The following SCNN1B variants were observed in gnomAD, a reference collection of about 807,000 sequenced individuals.
The protein encoded by SCNN1B is sodium channel epithelial 1 subunit beta.
In SCNN1B, 46 loss-of-function variants were observed where a neutral mutation model predicts 65.3. The ratio of observed to expected loss-of-function variants is 0.70; its 90% CI spans 0.56 to 0.90. SCNN1B has a LOEUF of 0.90. Among genes scored for constraint, SCNN1B ranks in the 40% least tolerant of loss-of-function variants. The pLI is 0.00. For synonymous variants in SCNN1B, 349 were observed against 330.6 expected, an observed-to-expected ratio of 1.06 and a Z score of -0.60; for missense variants, 751 against 830.5, an observed-to-expected ratio of 0.90 and a Z score of 1.18.
rs758735806 is a variant in SCNN1B, at chr16:23,352,861, G to T, written c.372G>T (p.Glu124Asp). Residue 124 changes from glutamate to aspartate, a missense_variant, in exon 3 of 13, where the codon GAG becomes GAT. By Grantham distance (45) the Glu-to-Asp change is conservative (BLOSUM62 2). Coordinates refer to ENST00000343070, the MANE Select transcript of SCNN1B (RefSeq NM_000336.3). ...ATGAGCTGATGGAAGCTGTCCTGGA[G>T]AGAATCCTGGCTCCTGAGCTAAGCC... ...DLDELMEAVLERILAPELSHA... is the reference protein window; with the variant it reads ...DLDELMEAVLDRILAPELSHA... 6.2e-7 allele frequency: 1 copy of T among 1,614,148 alleles called. No individual in the cohort carries two copies. Among genetic ancestry groups the T allele is most frequent in the African/African-American group, 1.3e-5 (1 of 75,006 alleles).
At chr16:23,307,366 C>T (rs943724876) in intron 1 of SCNN1B, among the ~76,000 whole-genome samples, 1 of 141,840 alleles carries the variant, frequency 7.1e-6, no homozygotes, top group Non-Finnish European at 1.5e-5. Flanking sequence ...GTCACCCAGG[C>T]TGGAGTGCAA....
At chr16:23,370,624 G>A (rs375042836) in intron 5 of SCNN1B, among the ~76,000 whole-genome samples, 10 of 152,324 alleles carry the variant, frequency 6.6e-5, no homozygotes, top group African/African-American at 2.4e-4. Flanking sequence ...GTACTCAGAA[G>A]GAAAGTTCCG....
At chr16:23,342,545 C>A (rs1410560819) in intron 1 of SCNN1B, among the ~76,000 whole-genome samples, 2 of 152,216 alleles carry the variant, frequency 1.3e-5, no homozygotes, top group African/African-American at 4.8e-5. Flanking sequence ...CTGTGCCCAG[C>A]CTGCAATTCT....
intron 3 of SCNN1B, 51 bp downstream of exon 3, chr16:23,353,125 T>G (rs1567308075): frequency 8.9e-6 from 14 of 1,576,986 alleles, no homozygotes; most frequent in Non-Finnish European, 1.2e-5. Flanking sequence ...CCAGTGAGGC[T>G]GATGGGTGTT....
chr16:23,355,003 G>A (rs1219356494), intron 3 of SCNN1B, among the ~76,000 whole-genome samples: 1 of 152,148 alleles, frequency 6.6e-6, no homozygotes, highest in Non-Finnish European at 1.5e-5. Flanking sequence ...ACTGGCTGTG[G>A]GTCACTTCCA....
At chr16:23,304,792 C>A (rs151295144) in intron 1 of SCNN1B, among the ~76,000 whole-genome samples, 67 of 152,280 alleles carry the variant, frequency 4.4e-4, no homozygotes, top group African/African-American at 1.6e-3. Context: ...AGCTTCACCC[C>A]TTCCTAGTTC....
chr16:23,359,134 G>A (rs1962481403), intron 4 of SCNN1B: 1 of 152,082 alleles, frequency 6.6e-6, no homozygotes. Flanking sequence ...TGCCCAGGCT[G>A]GTCTCAAACT....
At chr16:23,365,447 AAG>A (rs1962630207) in intron 4 of SCNN1B, among the ~76,000 whole-genome samples, 1 of 147,958 alleles carries the variant, frequency 6.8e-6, no homozygotes, top group Non-Finnish European at 1.5e-5. Flanking sequence ...GAAAGAAAGA[AAG>A]AGAAGGAGAA....
chr16:23,319,338 G>C (rs1340130012), intron 1 of SCNN1B, among the ~76,000 whole-genome samples: 1 of 152,162 alleles, frequency 6.6e-6, no homozygotes, highest in Non-Finnish European at 1.5e-5. Flanking sequence ...GAGCCACTGC[G>C]CCCAGCCCAA....
chr16:23,298,669 A>G (rs1311836773), upstream of SCNN1B, among the ~76,000 whole-genome samples: 1 of 152,244 alleles, frequency 6.6e-6, no homozygotes, highest in African/African-American at 2.4e-5. Context: ...GCTAAAGTCC[A>G]TATGGATGCT....
chr16:23,323,579 G>T (rs1453283156), intron 1 of SCNN1B: 2 of 702,876 alleles, frequency 2.8e-6, no homozygotes, highest in Non-Finnish European at 5.2e-6. Flanking sequence ...CACAGAGAGG[G>T]TGAGTAAATT....
In SCNN1B at chr16:23,365,557, G is replaced by GAGAAAGAA. The variant is rs71379673; in HGVS notation, c.777-2275_777-2268dup. ...AGAGAAGGAAAGAGAAAGAAGGAAA[G>GAGAAAGAA]AGAAAGAAAGAAAGAAAGAAAGAAA... On this transcript the variant is annotated intron_variant, in intron 4 of 12. Transcript: ENST00000343070. 1.7e-3 allele frequency among the ~76,000 whole-genome samples: 153 copies of GAGAAAGAA among 92,422 alleles called. 1 individual carries two copies. The highest frequency in any genetic ancestry group is 2.1e-3 in the Non-Finnish European group (104 of 49,922). 60.6% of individuals were successfully genotyped at this position (92,422 alleles called of 152,430 possible). A position where few individuals can be genotyped will look rare whatever the true frequency, so the allele number is the denominator to read the frequency against.
intron 1 of SCNN1B, among the ~76,000 whole-genome samples, chr16:23,312,772 C>G (rs1961372439): frequency 6.6e-6 from 1 of 152,042 alleles, no homozygotes; most frequent in Non-Finnish European, 1.5e-5. Flanking sequence ...CTGGGCCTCA[C>G]CTCCCCCGAT....
chr16:23,323,649 A>G, intron 1 of SCNN1B: 2 of 701,554 alleles, frequency 2.9e-6, no homozygotes, highest in Non-Finnish European at 5.2e-6. Context: ...CTTCTTAACC[A>G]CTACCCCATT....
chr16:23,374,622 C>T (rs1234578267), intron 7 of SCNN1B, among the ~76,000 whole-genome samples: 1 of 149,352 alleles, frequency 6.7e-6, no homozygotes, highest in Non-Finnish European at 1.5e-5. Context: ...TTGCCCGAAA[C>T]CGAGCTCTGG....
intron 1 of SCNN1B, among the ~76,000 whole-genome samples, chr16:23,309,350 G>C (rs908429263): frequency 2.6e-5 from 4 of 152,064 alleles, no homozygotes; most frequent in Admixed American, 2.6e-4. Flanking sequence ...GTATTAGTTA[G>C]GGTTCTCTAG....
chr16:23,284,510 G>T (rs1960824939), intron 2 of SCNN1B, among the ~76,000 whole-genome samples: 1 of 152,190 alleles, frequency 6.6e-6, no homozygotes, highest in South Asian at 2.1e-4. Flanking sequence ...GGTCTTGTTA[G>T]AACTCCAGCA....
At chr16:23,379,694 G>A (rs1962996662) in intron 11 of SCNN1B, among the ~76,000 whole-genome samples, 2 of 152,188 alleles carry the variant, frequency 1.3e-5, no homozygotes, top group Non-Finnish European at 2.9e-5. Flanking sequence ...CCACCCTGAT[G>A]GCACAAAGTG....
intron 1 of SCNN1B, among the ~76,000 whole-genome samples, chr16:23,308,007 T>G (rs1961258157): frequency 6.6e-6 from 1 of 151,606 alleles, no homozygotes; most frequent in Non-Finnish European, 1.5e-5. Flanking sequence ...ATCATCTGAT[T>G]GCACCCCAGC....
Sources: gnomAD v4.1 joint callset for allele counts (sites outside exome capture counted in the v4.1 genomes callset) on GRCh38, gnomAD v4.1.1 for gene constraint, MANE v1.5 for transcripts, NCBI Gene and HGNC (gene_info 2026-07-23, HGNC 2026-07-21) for gene names.